SIGLEC15: variants seen among roughly 807,000 people sequenced by gnomAD.
SIGLEC15 encodes sialic acid-binding Ig-like lectin 15.
A neutral mutation model predicts 26.2 loss-of-function variants in SIGLEC15; 31 were observed. The observed-to-expected ratio is 1.18, with a 90% CI of 0.89 to 1.60. The LOEUF is 1.60. SIGLEC15 is among the 40% of genes most tolerant of loss of function. SIGLEC15 has a pLI of 0.00. For missense variants in SIGLEC15, 501 were observed against 488.4 expected (o/e 1.03, Z -0.24); for synonymous variants, 207 against 221.9 (o/e 0.93, Z 0.60).
At chr18:45,833,734 G>A (rs996612755) in intron 1 of SIGLEC15, among the ~76,000 whole-genome samples, 2 of 152,312 alleles carry the variant, frequency 1.3e-5, no homozygotes, top group African/African-American at 4.8e-5. Flanking sequence ...TGCTGTTGCT[G>A]TTAGTTCATA....
chr18:45,842,029 C>T lies in SIGLEC15; in HGVS notation c.906-77C>T, dbSNP rs974337955. The T allele has an allele frequency of 6.8e-6, 9 of 1,324,936 alleles. No individual in the cohort carries two copies. The African/African-American group carries it at 1.3e-4, about 19-fold the overall frequency. The allele number at this position is 1,324,936 out of a possible 1,614,324, so 82.1% of individuals were successfully genotyped here. On this transcript the variant is annotated intron_variant, in intron 5 of 5. Coordinates refer to ENST00000389474, the MANE Select transcript of SIGLEC15 (RefSeq NM_213602.3). ...CCCAGAATGTCTCCTCTTCTTGGCC[C>T]ACTGCTGGCATATAGTTTGGGCAGT...
intron 1 of SIGLEC15, among the ~76,000 whole-genome samples, chr18:45,835,439 C>T (rs985508748): frequency 6.6e-6 from 1 of 152,084 alleles, no homozygotes; most frequent in Non-Finnish European, 1.5e-5. Flanking sequence ...CACACAAGGG[C>T]CAAAGTAACT....
chr18:45,828,404 TC>T (rs143761158), intron 1 of SIGLEC15, among the ~76,000 whole-genome samples: 11 of 151,680 alleles, frequency 7.3e-5, no homozygotes, highest in African/African-American at 1.9e-4. Flanking sequence ...CTCCTCCATC[TC>T]CCCCCATATC....
At chr18:45,834,764 T>C (rs490696) in intron 1 of SIGLEC15, among the ~76,000 whole-genome samples, 41,483 of 152,164 alleles carry the variant, frequency 0.27, 6,078 homozygotes, top group African/African-American at 0.35. Context: ...GCTGAATTGA[T>C]GAATGCACGA....
In SIGLEC15 at chr18:45,837,889, C is replaced by A. The variant is rs770167904; in HGVS notation, c.489C>A (p.His163Gln). 1.3e-6 allele frequency: 2 copies of A among 1,515,594 alleles called. No individual in the cohort carries two copies. The highest frequency in any genetic ancestry group is 1.7e-6 in the Non-Finnish European group (2 of 1,142,918). The allele number at this position is 1,515,594 out of a possible 1,614,324, so 93.9% of individuals were successfully genotyped here. ...AGAGCCGCCACGGCGTCCGGCTGCA[C>A]GTGACAGGCGAGGCGGCGTGGGAGC... ...RYESRHGVRL[H>Q]VTAAPRIVNI... The change falls in exon 3 of 6, where the codon CAC (histidine) becomes CAA (glutamine). Residue 163 changes from histidine to glutamine, a missense_variant. By Grantham distance (24) the His-to-Gln change is conservative. Transcript: ENST00000389474.
At chr18:45,834,746 A>G (rs2048262686) in intron 1 of SIGLEC15, among the ~76,000 whole-genome samples, 1 of 152,228 alleles carries the variant, frequency 6.6e-6, no homozygotes, top group South Asian at 2.1e-4. Flanking sequence ...AGTGTCCAAT[A>G]CATGTTTGCT....
intron 5 of SIGLEC15, among the ~76,000 whole-genome samples, chr18:45,840,691 A>T (rs9948715): frequency 0.061 from 9,304 of 152,284 alleles, 894 homozygotes; most frequent in African/African-American, 0.2. Flanking sequence ...GCATCCACCC[A>T]TGTGAAGGCT....
rs374620923 is a variant in SIGLEC15, at chr18:45,838,789, G to C, written c.568G>C (p.Glu190Gln). 6.4e-7 allele frequency: 1 copy of C among 1,564,274 alleles called. No individual in the cohort carries two copies. Among genetic ancestry groups the C allele is most frequent in the South Asian group, 1.2e-5 (1 of 86,560 alleles). ...AHAFRALCTA[E>Q]GEPPPALAWS... Reference sequence around the variant, plus strand: ...CGCCTTCCGCGCGCTCTGCACTGCCGAAGGGGAGCCGCCGCCCGCCCTCGC... The same window carrying C: ...CGCCTTCCGCGCGCTCTGCACTGCCCAAGGGGAGCCGCCGCCCGCCCTCGC... Residue 190 changes from glutamate (E) to glutamine (Q), a missense_variant, in exon 4 of 6, where the codon GAA (glutamate) becomes CAA (glutamine). Glu to Gln is a conservative substitution (Grantham distance 29, BLOSUM62 2). Coordinates refer to ENST00000389474, the MANE Select transcript of SIGLEC15 (RefSeq NM_213602.3).
At chr18:45,837,970 G>A in intron 3 of SIGLEC15, 74 bp downstream of exon 3, 1 of 1,400,734 alleles carries the variant, frequency 7.1e-7, no homozygotes, top group Non-Finnish European at 9.2e-7. Context: ...GGGCTACGTG[G>A]GTGCCAGGCG....
intron 3 of SIGLEC15, chr18:45,838,417 C>T (rs2048294581): frequency 2.0e-6 from 1 of 488,922 alleles, no homozygotes; most frequent in Non-Finnish European, 3.6e-6. Context: ...CAATAATGGC[C>T]ACTTAGCATT....
At chr18:45,825,866 G>C in intron 1 of SIGLEC15, 86 bp downstream of exon 1, 1 of 1,534,950 alleles carries the variant, frequency 6.5e-7, no homozygotes, top group Non-Finnish European at 9.0e-7. Context: ...CTGGAAGGCA[G>C]GAAGCAGGTG....
intron 4 of SIGLEC15, among the ~76,000 whole-genome samples, 182 bp from the exon 5 acceptor site, chr18:45,840,029 C>A (rs913955601): frequency 1.3e-5 from 2 of 152,180 alleles, no homozygotes; most frequent in African/African-American, 4.8e-5. Flanking sequence ...CAGTCCACCC[C>A]TCTCCTCACT....
chr18:45,829,199 C>T (rs1352178943), intron 1 of SIGLEC15: 1 of 966,812 alleles, frequency 1.0e-6, no homozygotes, highest in Non-Finnish European at 1.2e-6. Context: ...CAGGGCCACA[C>T]CCACGCCACA....
intron 5 of SIGLEC15, among the ~76,000 whole-genome samples, chr18:45,841,803 A>G (rs1412133827): frequency 6.6e-6 from 1 of 152,194 alleles, no homozygotes; most frequent in Non-Finnish European, 1.5e-5. Flanking sequence ...AAGTCAGGAA[A>G]GCAGTTGGGG....
chr18:45,838,572 G>GGCCA, intron 3 of SIGLEC15, 146 bp from the exon 4 acceptor site: 1 of 1,069,420 alleles, frequency 9.4e-7, no homozygotes, highest in East Asian at 3.0e-5. Context: ...TTTCGCCCAA[G>GGCCA]GCCACATCTG....
rs534937898 is a variant in SIGLEC15, at chr18:45,837,300, G to C, written c.112+212G>C. ...ACGCAGGCACTCCCAAGTCGAGGGA[G>C]TGCAGGCCCTGGGGGTGCAGGCACC... is the stretch of plus-strand genomic sequence containing the variant. On this transcript the variant is annotated intron_variant, in intron 2 of 5. Transcript: ENST00000389474. 2.4e-4 allele frequency among the ~76,000 whole-genome samples: 36 copies of C among 152,348 alleles called. No homozygotes were observed. In the South Asian group the frequency reaches 6.6e-3, roughly 28 times the overall value.
Position 45,837,644 on chromosome 18 carries a change from C to T in SIGLEC15, c.244C>T (p.Arg82Cys), listed in dbSNP as rs773530257. ...CGACGGGCCGCTGACGGCCATCTGGCGCGCGGGCGAGCCCTATGCGGGCCC... is the reference window on the plus strand; with the variant it reads ...CGACGGGCCGCTGACGGCCATCTGGTGCGCGGGCGAGCCCTATGCGGGCCC... ...HYDGPLTAIW[R>C]AGEPYAGPQV... is the part of the protein sequence containing the mutation. The change falls in exon 3 of 6, where the codon CGC becomes TGC. Residue 82 changes from arginine to cysteine, a missense_variant. By Grantham distance (180) the Arg-to-Cys change is radical (BLOSUM62 -3). Transcript: ENST00000389474. 2.8e-5 allele frequency: 42 copies of T among 1,506,708 alleles called. No individual in the cohort carries two copies. Among genetic ancestry groups the T allele is most frequent in the Non-Finnish European group, 3.5e-5 (40 of 1,135,426 alleles). 93.3% of individuals were successfully genotyped at this position (1,506,708 alleles called of 1,614,324 possible).
In SIGLEC15 at chr18:45,842,470, T is replaced by G; in HGVS notation, c.*283T>G. On this transcript the variant is annotated 3_prime_UTR_variant, in exon 6 of 6. Transcript: ENST00000389474. Reference sequence around the variant, plus strand: ...GAGAGAGAGAGAGAGAGTACACGCATTAGCTTGAGCGTGAAACTTCCAGAA... The same window carrying G: ...GAGAGAGAGAGAGAGAGTACACGCAGTAGCTTGAGCGTGAAACTTCCAGAA... 1 of 383,450 alleles carries G rather than the reference T, an allele frequency of 2.6e-6. No individual in the cohort carries two copies. Among genetic ancestry groups the G allele is most frequent in the Non-Finnish European group, 4.7e-6 (1 of 211,222 alleles). 23.8% of individuals were successfully genotyped at this position (383,450 alleles called of 1,614,324 possible). A position where few individuals can be genotyped will look rare whatever the true frequency, so the allele number is the denominator to read the frequency against.
In SIGLEC15 at chr18:45,837,626, C is replaced by A. The variant is rs2048286388; in HGVS notation, c.226C>A (p.Pro76Thr). ...GCACCCGCACCGCCACTACGACGGG[C>A]CGCTGACGGCCATCTGGCGCGCGGG... Reference protein sequence around the residue: ...FTHPHRHYDGPLTAIWRAGEP... With the variant: ...FTHPHRHYDGTLTAIWRAGEP... Residue 76 changes from proline to threonine, a missense_variant, in exon 3 of 6, where the codon CCG becomes ACG. By Grantham distance (38) the Pro-to-Thr change is conservative (BLOSUM62 -1). Transcript: ENST00000389474. The A allele has an allele frequency of 1.3e-6, 2 of 1,507,892 alleles. No homozygotes were observed. The highest frequency in any genetic ancestry group is 1.8e-6 in the Non-Finnish European group (2 of 1,136,020). The allele number at this position is 1,507,892 out of a possible 1,614,324, so 93.4% of individuals were successfully genotyped here.
Sources: gnomAD v4.1 joint callset for allele counts (sites outside exome capture counted in the v4.1 genomes callset) on GRCh38, gnomAD v4.1.1 for gene constraint, MANE v1.5 for transcripts, NCBI Gene and HGNC (gene_info 2026-07-23, HGNC 2026-07-21) for gene names.